DRD3: variants seen among roughly 807,000 people sequenced by gnomAD.
The protein encoded by DRD3 is D(3) dopamine receptor.
In DRD3, 19 loss-of-function variants were observed where a neutral mutation model predicts 36.3. The ratio of observed to expected loss-of-function variants is 0.52; its 90% CI spans 0.36 to 0.77. The LOEUF is 0.77. Ranked by LOEUF, DRD3 falls within the 30% of genes least tolerant of loss-of-function variation. The pLI, the probability that DRD3 is intolerant of heterozygous loss-of-function variation, is 0.00. For missense variants in DRD3, 465 were observed against 505.3 expected (o/e 0.92, Z 0.77); for synonymous variants, 195 against 203.7 (o/e 0.96, Z 0.36).
intron 1 of DRD3, among the ~76,000 whole-genome samples, chr3:114,185,961 T>A (rs1045747564): frequency 1.3e-5 from 2 of 152,202 alleles, no homozygotes; most frequent in African/African-American, 2.4e-5. Context: ...TAAATCAGAT[T>A]CTCCCTCTTC....
At chr3:114,149,946 TGAGAA>T (rs2077602264) in intron 3 of DRD3, among the ~76,000 whole-genome samples, 1 of 152,220 alleles carries the variant, frequency 6.6e-6, no homozygotes, top group Non-Finnish European at 1.5e-5. Context: ...TGTGAGATCC[TGAGAA>T]GAGAACCTAC....
intron 2 of DRD3, among the ~76,000 whole-genome samples, chr3:114,168,868 G>T (rs1026334235): frequency 6.6e-5 from 10 of 152,226 alleles, no homozygotes; most frequent in Non-Finnish European, 1.5e-4. Flanking sequence ...GGCAAAATGA[G>T]CCAATTTTCC....
intron 5 of DRD3, among the ~76,000 whole-genome samples, chr3:114,137,054 C>A (rs1284993044): frequency 6.6e-6 from 1 of 152,204 alleles, no homozygotes; most frequent in Non-Finnish European, 1.5e-5. Flanking sequence ...TATGCTTTCT[C>A]AATATCTTCT....
Position 114,139,398 on chromosome 3 carries a change from T to C in DRD3, c.723+102A>G, listed in dbSNP as rs1406379754. 3.5e-6 allele frequency: 4 copies of C among 1,146,330 alleles called. 1 individual carries two copies. In the Admixed American group the frequency reaches 9.2e-5, roughly 26 times the overall value. The allele number at this position is 1,146,330 out of a possible 1,614,324, so 71.0% of individuals were successfully genotyped here. On this transcript the variant is annotated intron_variant, in intron 5 of 6. Transcript: ENST00000383673. ...TTCCAAAGTCGGTGTCAGATTTGTG[T>C]CTCCAATTTAGCTAAACGGCAAAAT...
intron 1 of DRD3, among the ~76,000 whole-genome samples, chr3:114,198,240 CT>C (rs1261331524): frequency 6.9e-6 from 1 of 145,204 alleles, no homozygotes; most frequent in Admixed American, 6.9e-5. Context: ...TTTTTTTTTC[CT>C]TTTTTGGAGA....
intron 4 of DRD3, among the ~76,000 whole-genome samples, chr3:114,146,875 T>C (rs1038485288): frequency 1.6e-4 from 25 of 152,082 alleles, no homozygotes; most frequent in African/African-American, 5.3e-4. Context: ...ATGTACCATG[T>C]GCCAACCATC....
intron 1 of DRD3, among the ~76,000 whole-genome samples, chr3:114,197,118 C>CTT (rs1055135684): frequency 5.0e-5 from 7 of 140,910 alleles, no homozygotes; most frequent in Non-Finnish European, 9.3e-5. Context: ...TTACTTTTTC[C>CTT]TTTTTTTTTT....
intron 3 of DRD3, among the ~76,000 whole-genome samples, chr3:114,156,769 TTC>T (rs1184293620): frequency 2.5e-3 from 304 of 122,084 alleles, no homozygotes; most frequent in African/African-American, 7.7e-3. Context: ...CTTTCTTTCT[TTC>T]TTTCTTTCTT....
At chr3:114,157,183 A>G (rs962362376) in intron 3 of DRD3, among the ~76,000 whole-genome samples, 4 of 151,700 alleles carry the variant, frequency 2.6e-5, no homozygotes, top group Non-Finnish European at 5.9e-5. Flanking sequence ...CCTCCTGAGT[A>G]GCTGGAATTA....
chr3:114,159,816 T>A lies in DRD3; in HGVS notation c.322A>T (p.Thr108Ser). The A allele has an allele frequency of 1.9e-6, 3 of 1,614,030 alleles. No homozygotes were observed. Among genetic ancestry groups the A allele is most frequent in the Non-Finnish European group, 2.5e-6 (3 of 1,179,966 alleles). The change falls in exon 3 of 7, where the codon ACC becomes TCC. Residue 108 changes from threonine to serine, a missense_variant. Thr to Ser is a moderately conservative substitution (Grantham distance 58). Transcript: ENST00000383673. ...FSRICCDVFVTLDVMMCTASI... is the reference protein window; with the variant it reads ...FSRICCDVFVSLDVMMCTASI... ...GCTGTACACATCATGACATCCAGGG[T>A]GACAAAAACATCACAGCAAATGCGG...
chr3:114,163,843 G>A (rs1043183054), intron 2 of DRD3, among the ~76,000 whole-genome samples: 1 of 152,154 alleles, frequency 6.6e-6, no homozygotes, highest in African/African-American at 2.4e-5. Context: ...AAACAGCTAT[G>A]AGGCAATGTG....
chr3:114,196,986 C>CTTTTTTTT (rs541199651), intron 1 of DRD3, among the ~76,000 whole-genome samples: 1 of 142,780 alleles, frequency 7.0e-6, no homozygotes. Flanking sequence ...TTCTTTTTTT[C>CTTTTTTTT]TTTTTTTTTT....
At chr3:114,159,622 G>T in intron 3 of DRD3, 133 bp downstream of exon 3, 2 of 670,640 alleles carry the variant, frequency 3.0e-6, no homozygotes, top group East Asian at 2.8e-5. Context: ...TACTTTAAAA[G>T]AAAAAGAGAG....
chr3:114,199,031 C>T (rs1432008817), intron 1 of DRD3, among the ~76,000 whole-genome samples: 2 of 152,192 alleles, frequency 1.3e-5, no homozygotes, highest in Non-Finnish European at 2.9e-5. Context: ...TGGTGTGAAC[C>T]ACTATGCCTA....
At chr3:114,172,290 T>G (rs567302743) in intron 1 of DRD3, among the ~76,000 whole-genome samples, 1 of 152,300 alleles carries the variant, frequency 6.6e-6, no homozygotes, top group South Asian at 2.1e-4. Flanking sequence ...ATGATACGTA[T>G]ATTGGAGACA....
chr3:114,134,957 C>T (rs146004845), intron 5 of DRD3, among the ~76,000 whole-genome samples: 1 of 152,070 alleles, frequency 6.6e-6, no homozygotes, highest in Non-Finnish European at 1.5e-5. Flanking sequence ...TCTAGGTATT[C>T]TGAAATATAT....
intron 6 of DRD3, among the ~76,000 whole-genome samples, chr3:114,130,696 T>C (rs1447310913): frequency 6.6e-6 from 1 of 152,206 alleles, no homozygotes; most frequent in African/African-American, 2.4e-5. Context: ...GTGCTGGAAT[T>C]ACAGGCTTGA....
At chr3:114,187,878 A>G (rs1362640725) in intron 1 of DRD3, among the ~76,000 whole-genome samples, 1 of 152,188 alleles carries the variant, frequency 6.6e-6, no homozygotes, top group Non-Finnish European at 1.5e-5. Context: ...ACTTAATAGA[A>G]CCATAGCAGG....
intron 2 of DRD3, among the ~76,000 whole-genome samples, chr3:114,164,620 G>C (rs1307294574): frequency 6.6e-6 from 1 of 152,166 alleles, no homozygotes; most frequent in African/African-American, 2.4e-5. Context: ...ACACTGGTCT[G>C]GGGTTAAGGG....
Sources: allele counts gnomAD v4.1 joint callset (sites outside exome capture counted in the v4.1 genomes callset), GRCh38; gene constraint gnomAD v4.1.1; transcripts MANE v1.5; gene names NCBI Gene and HGNC (gene_info 2026-07-23, HGNC 2026-07-21).